The following ZNF783 variants were observed in gnomAD, a reference collection of about 807,000 sequenced individuals.
The protein encoded by ZNF783 is zinc finger protein 783.
In ZNF783, 25 loss-of-function variants were observed where a neutral mutation model predicts 31.3. The observed-to-expected ratio is 0.80, with a 90% CI of 0.58 to 1.11. ZNF783 has a LOEUF of 1.11. Ranked by LOEUF, ZNF783 falls within the 50% of genes most tolerant of loss-of-function variation. ZNF783 has a pLI of 0.00. For synonymous variants in ZNF783, 369 were observed against 319.1 expected (o/e 1.16, Z -1.66); for missense variants, 797 against 760.0 (o/e 1.05, Z -0.57).
At chr7:149,276,594 C>A (rs1030449907) in intron 4 of ZNF783, 1 of 985,424 alleles carries the variant, frequency 1.0e-6, no homozygotes, top group African/African-American at 1.7e-5. Context: ...GGTTTTACCT[C>A]TTCTGTTAGA....
chr7:149,263,438 G>C (rs1440719623), intron 1 of ZNF783, among the ~76,000 whole-genome samples: 1 of 151,386 alleles, frequency 6.6e-6, no homozygotes, highest in Non-Finnish European at 1.5e-5. Context: ...TCCTGCCTCA[G>C]CCTCCCAATC....
In ZNF783 at chr7:149,284,457, G is replaced by C. The variant is rs1200833736; in HGVS notation, c.*2114G>C. 1.3e-5 allele frequency: 2 copies of C among 152,376 alleles called. No individual in the cohort carries two copies. The highest frequency in any genetic ancestry group is 4.8e-5 in the African/African-American group (2 of 41,442). The allele number at this position is 152,376 out of a possible 1,614,324, so 9.4% of individuals were successfully genotyped here. ...GTGGATCCTGCTTGTCTGCTCTGGAGTCCCCCCACCCTTGCCAGGAGCTTC... is the reference window on the plus strand; with the variant it reads ...GTGGATCCTGCTTGTCTGCTCTGGACTCCCCCCACCCTTGCCAGGAGCTTC... On this transcript the variant is annotated 3_prime_UTR_variant, in exon 6 of 6. Transcript: ENST00000434415.
At position 149,262,304 on chromosome 7, in the gene ZNF783, A is replaced by C. The variant is rs1454137547; in HGVS notation, c.-30A>C. 3.7e-6 allele frequency: 5 copies of C among 1,358,438 alleles called. No homozygotes were observed. The South Asian group carries it at 8.0e-5, about 22-fold the overall frequency. The allele number at this position is 1,358,438 out of a possible 1,614,324, so 84.1% of individuals were successfully genotyped here. A position where few individuals can be genotyped will look rare whatever the true frequency, so the allele number is the denominator to read the frequency against. ...CGGGCCCGACAGGCCGGGTCCAGGG[A>C]CTGCAACCCAGCGAGGGACGCGGGC... On this transcript the variant is annotated 5_prime_UTR_variant, in exon 1 of 6. Transcript: ENST00000434415.
Position 149,266,498 on chromosome 7 carries a change from G to C in ZNF783, c.188G>C (p.Arg63Pro). 6.2e-7 allele frequency: 1 copy of C among 1,613,640 alleles called. No individual in the cohort carries two copies. The highest frequency in any genetic ancestry group is 8.5e-7 in the Non-Finnish European group (1 of 1,180,034). ...LEKKVDSCLT[R>P]LLTLEGRTGT... ...AAGAAGGTGGATTCCTGCCTGACCC[G>C]CTTGCTGACTCTGGAGGGGCGCACG... Residue 63 changes from arginine to proline, a missense_variant, in exon 2 of 6, where the codon CGC becomes CCC. Transcript: ENST00000434415.
rs749916281 is a variant in ZNF783, at chr7:149,267,162, C to T, written c.613C>T (p.Arg205Trp). The T allele has an allele frequency of 1.8e-5, 29 of 1,599,196 alleles. No homozygotes were observed. The highest frequency in any genetic ancestry group is 1.7e-4 in the Admixed American group (10 of 59,948). The stretch of plus-strand genomic sequence containing the variant: ...GAGGGGAGAGGAGCCTTGTCTTGAC[C>T]GGTGGGGCCAGGAGAAGGGGAATGA... ...IERGEEPCLD[R>W]WGQEKGNEVE... Residue 205 changes from arginine to tryptophan, a missense_variant, in exon 4 of 6, where the codon CGG becomes TGG. Coordinates refer to ENST00000434415, the MANE Select transcript of ZNF783 (RefSeq NM_001195220.2).
chr7:149,267,360 A>G, intron 4 of ZNF783, 138 bp downstream of exon 4: 1 of 1,208,916 alleles, frequency 8.3e-7, no homozygotes, highest in East Asian at 2.5e-5. Flanking sequence ...ACCACTCTGT[A>G]CAAGGCCACC....
intron 3 of ZNF783, 53 bp downstream of exon 3, chr7:149,266,998 A>G: frequency 6.2e-7 from 1 of 1,613,642 alleles, no homozygotes; most frequent in Non-Finnish European, 8.5e-7. Flanking sequence ...GTCTGTGGAC[A>G]GTCTGTGTCT....
In ZNF783 at chr7:149,275,388, C is replaced by T. The variant is rs533221252; in HGVS notation, c.674-3011C>T. On this transcript the variant is annotated intron_variant, in intron 4 of 5. Coordinates refer to ENST00000434415, the MANE Select transcript of ZNF783 (RefSeq NM_001195220.2). ...AGTGCAGTGGCGCGATCTTGGCTCA[C>T]TGCAAGCTGCGCCTCCCGGGTTCAC... Among the ~76,000 whole-genome samples, 4 of 151,702 alleles carry T rather than the reference C, an allele frequency of 2.6e-5. No homozygotes were observed. The East Asian group carries it at 7.7e-4, about 29-fold the overall frequency.
At chr7:149,264,295 ATC>A (rs1172279487) in intron 1 of ZNF783, among the ~76,000 whole-genome samples, 1 of 152,162 alleles carries the variant, frequency 6.6e-6, no homozygotes, top group Non-Finnish European at 1.5e-5. Context: ...GGCAGTGAAA[ATC>A]TCTAGGATGC....
At position 149,281,667 on chromosome 7, in the gene ZNF783, G is replaced by A. The variant is rs1380750542; in HGVS notation, c.965G>A (p.Arg322Lys). 6.6e-7 allele frequency: 1 copy of A among 1,518,776 alleles called. No individual in the cohort carries two copies. The highest frequency in any genetic ancestry group is 1.4e-5 in the African/African-American group (1 of 70,850). The allele number at this position is 1,518,776 out of a possible 1,614,324, so 94.1% of individuals were successfully genotyped here. ...CGTCATCAGGCCCAGGGCATGCCCA[G>A]GGTGCGGGCAGGGGAGCCACGGCCA... ...PSRHQAQGMPRVRAGEPRPPG... is the reference protein window; with the variant it reads ...PSRHQAQGMPKVRAGEPRPPG... Residue 322 changes from arginine to lysine, a missense_variant, in exon 6 of 6, where the codon AGG becomes AAG. Arg to Lys is a conservative substitution (Grantham distance 26). Coordinates refer to ENST00000434415, the MANE Select transcript of ZNF783 (RefSeq NM_001195220.2).
At chr7:149,279,881 C>CA (rs1196025001) in intron 5 of ZNF783, among the ~76,000 whole-genome samples, 1 of 152,038 alleles carries the variant, frequency 6.6e-6, no homozygotes, top group Non-Finnish European at 1.5e-5. Flanking sequence ...TCTACACAGA[C>CA]ACGGCAACCA....
At position 149,282,965 on chromosome 7, in the gene ZNF783, T is replaced by TTTTTTTTGTTGTTGTTGTTG. The variant is rs367820256; in HGVS notation, c.*624_*625insTTTTTGTTGTTGTTGTTGTT. On this transcript the variant is annotated 3_prime_UTR_variant, in exon 6 of 6. Transcript: ENST00000434415. ...AGCCTGTGGGTCTTTTGGTTTTTTT[T>TTTTTTTTGTTGTTGTTGTTG]TTGTTGTTGTTGTTGTTTTTTTAAG... 1 of 131,056 alleles carries TTTTTTTTGTTGTTGTTGTTG rather than the reference T, an allele frequency of 7.6e-6. No individual in the cohort carries two copies. The highest frequency in any genetic ancestry group is 1.7e-5 in the Non-Finnish European group (1 of 58,990). The allele number at this position is 131,056 out of a possible 1,614,324, so 8.1% of individuals were successfully genotyped here.
intron 5 of ZNF783, 60 bp downstream of exon 5, chr7:149,278,587 A>G: frequency 6.3e-7 from 1 of 1,593,196 alleles, no homozygotes; most frequent in South Asian, 1.1e-5. Flanking sequence ...CGCGATCACC[A>G]AGCGATGGTG....
chr7:149,266,737 C>A lies in ZNF783; in HGVS notation c.420+7C>A. ...CAAGGGGGAGGCCCCCAAGGTAGCA[C>A]CGGGACACCCTGGGGTGGGGGAGCT... is the stretch of plus-strand genomic sequence containing the variant. On this transcript the variant is annotated splice_region_variant and intron_variant, in intron 2 of 5. Coordinates refer to ENST00000434415, the MANE Select transcript of ZNF783 (RefSeq NM_001195220.2). The A allele has an allele frequency of 6.2e-7, 1 of 1,613,570 alleles. No individual in the cohort carries two copies. The highest frequency in any genetic ancestry group is 8.5e-7 in the Non-Finnish European group (1 of 1,179,740).
intron 4 of ZNF783, among the ~76,000 whole-genome samples, chr7:149,275,115 C>T (rs781469181): frequency 6.6e-6 from 1 of 151,990 alleles, no homozygotes; most frequent in Non-Finnish European, 1.5e-5. Flanking sequence ...TCTTTTACTT[C>T]CTTTGTTAAG....
In ZNF783 at chr7:149,262,353, C is replaced by T; in HGVS notation, c.20C>T (p.Ala7Val). The change falls in exon 1 of 6, where the codon GCC becomes GTC. Residue 7 changes from alanine to valine, a missense_variant. Transcript: ENST00000434415. Reference sequence around the variant, plus strand: ...GCAGCCATGGCCGAAGCGGCGCCTGCCCGGGTAAGCGCCCTCGGCCCCGCG... The same window carrying T: ...GCAGCCATGGCCGAAGCGGCGCCTGTCCGGGTAAGCGCCCTCGGCCCCGCG... Reference protein sequence around the residue: MAEAAPARDPETDKHTE... With the variant: MAEAAPVRDPETDKHTE... 1.5e-6 allele frequency: 2 copies of T among 1,326,750 alleles called. No individual in the cohort carries two copies. Among genetic ancestry groups the T allele is most frequent in the Non-Finnish European group, 1.9e-6 (2 of 1,034,472 alleles). The allele number at this position is 1,326,750 out of a possible 1,614,324, so 82.2% of individuals were successfully genotyped here. A position where few individuals can be genotyped will look rare whatever the true frequency, so the allele number is the denominator to read the frequency against.
At chr7:149,263,325 T>TATA (rs1491212623) in intron 1 of ZNF783, among the ~76,000 whole-genome samples, 16 of 116,074 alleles carry the variant, frequency 1.4e-4, no homozygotes, top group African/African-American at 3.6e-4. Flanking sequence ...TATATATATA[T>TATA]TTTTTTTTTA....
Position 149,282,300 on chromosome 7 carries a change from G to A in ZNF783, c.1598G>A (p.Gly533Glu). The change falls in exon 6 of 6, where the codon GGG becomes GAG. Residue 533 changes from glycine to glutamate, a missense_variant. Coordinates refer to ENST00000434415, the MANE Select transcript of ZNF783 (RefSeq NM_001195220.2). The stretch of plus-strand genomic sequence containing the variant: ...TTCCCTGCCGCCCCCGCCCGCCACG[G>A]GAGCCTGCCCCTGCCCTGGCCCAGC... ...PHFPAAPARHGSLPLPWPSRK... is the reference protein window; with the variant it reads ...PHFPAAPARHESLPLPWPSRK... The A allele has an allele frequency of 6.4e-7, 1 of 1,569,050 alleles. No individual in the cohort carries two copies. Among genetic ancestry groups the A allele is most frequent in the Non-Finnish European group, 8.6e-7 (1 of 1,165,812 alleles).
rs1797484100 is a variant in ZNF783 at position 149,281,990 on chromosome 7, C to CCTGCAGCCAGCAAGATGTACCA, written c.1296_1317dup (p.Glu440GlnfsTer59). 1.9e-6 allele frequency: 3 copies of CCTGCAGCCAGCAAGATGTACCA among 1,577,386 alleles called. No homozygotes were observed. Among genetic ancestry groups the CCTGCAGCCAGCAAGATGTACCA allele is most frequent in the Non-Finnish European group, 2.6e-6 (3 of 1,170,024 alleles). ...GGGCCGTGCCTTGGTGGGGCGGCGG[C>CCTGCAGCCAGCAAGATGTACCA]CTGCAGCCAGCAAGATGTACCACTG... On this transcript the variant is annotated frameshift_variant, in exon 6 of 6. Coordinates refer to ENST00000434415, the MANE Select transcript of ZNF783 (RefSeq NM_001195220.2). LOFTEE classifies it low-confidence loss of function (END_TRUNC).
Sources: allele counts gnomAD v4.1 joint callset (sites outside exome capture counted in the v4.1 genomes callset), GRCh38; gene constraint gnomAD v4.1.1; transcripts MANE v1.5; gene names NCBI Gene and HGNC (gene_info 2026-07-23, HGNC 2026-07-21).